The following ATP11B variants were observed in gnomAD, a reference collection of about 807,000 sequenced individuals.
ATP11B encodes phospholipid-transporting ATPase IF.
ATP11B carries 81 observed loss-of-function variants against 157.8 expected under a neutral mutation model. The ratio of observed to expected loss-of-function variants is 0.51; its 90% CI spans 0.43 to 0.62. The LOEUF (loss-of-function observed/expected upper bound fraction) is 0.62. Ranked by LOEUF, ATP11B falls within the 20% of genes least tolerant of loss-of-function variation. ATP11B has a pLI of 0.00. For missense variants in ATP11B, 1,165 were observed against 1,402.2 expected (o/e 0.83, Z 2.70); for synonymous variants, 451 against 469.4 (o/e 0.96, Z 0.51).
At chr3:182,851,398 A>G (rs1212181753) in intron 10 of ATP11B, among the ~76,000 whole-genome samples, 2 of 152,136 alleles carry the variant, frequency 1.3e-5, no homozygotes, top group African/African-American at 2.4e-5. Flanking sequence ...CACATCTTCA[A>G]TTAATTTCCT....
intron 10 of ATP11B, among the ~76,000 whole-genome samples, chr3:182,850,892 A>G (rs1166746735): frequency 6.6e-6 from 1 of 152,252 alleles, no homozygotes; most frequent in Non-Finnish European, 1.5e-5. Context: ...AAAAAAAGGT[A>G]TACATACCCA....
In ATP11B at chr3:182,918,258, A is replaced by G. The variant is rs1289893827; in HGVS notation, c.*154A>G. 7 of 1,108,862 alleles carry G rather than the reference A, an allele frequency of 6.3e-6. No individual in the cohort carries two copies. The highest frequency in any genetic ancestry group is 6.2e-6 in the Non-Finnish European group (5 of 803,752). 68.7% of individuals were successfully genotyped at this position (1,108,862 alleles called of 1,614,324 possible). A position where few individuals can be genotyped will look rare whatever the true frequency, so the allele number is the denominator to read the frequency against. ...GAGTTATAATGGCAAACAAACAGAA[A>G]GCATTAGTACAAGCCCCTCCCAACA... On this transcript the variant is annotated 3_prime_UTR_variant, in exon 30 of 30. Transcript: ENST00000323116.
At chr3:182,897,243 A>G in intron 26 of ATP11B, 60 bp from the exon 27 acceptor site, 1 of 931,114 alleles carries the variant, frequency 1.1e-6, no homozygotes, top group Non-Finnish European at 1.6e-6. Flanking sequence ...GTTTCATCTG[A>G]AAGGTTAAGG....
At chr3:182,805,111 A>G (rs1365166000) in intron 1 of ATP11B, among the ~76,000 whole-genome samples, 1 of 152,130 alleles carries the variant, frequency 6.6e-6, no homozygotes, top group Non-Finnish European at 1.5e-5. Context: ...TGTTATGTAG[A>G]TGTGTATTTT....
intron 7 of ATP11B, among the ~76,000 whole-genome samples, chr3:182,838,147 T>C (rs1718699768): frequency 6.6e-6 from 1 of 152,092 alleles, no homozygotes; most frequent in South Asian, 2.1e-4. Flanking sequence ...TGTGATGTTA[T>C]AAAAATTGTA....
chr3:182,865,444 C>A lies in ATP11B; in HGVS notation c.1201-12C>A. 6.2e-7 allele frequency: 1 copy of A among 1,607,326 alleles called. No individual in the cohort carries two copies. The highest frequency in any genetic ancestry group is 1.1e-5 in the South Asian group (1 of 89,942). On this transcript the variant is annotated splice_polypyrimidine_tract_variant and intron_variant, in intron 12 of 29. Transcript: ENST00000323116. ...ACAAAGGTTTATTTTCTTTTGTTTT[C>A]TATCTCTATAGGTAGAGTACGTGTT...
chr3:182,837,212 A>AT (rs1718623204), intron 7 of ATP11B, 38 bp downstream of exon 7: 7 of 1,375,348 alleles, frequency 5.1e-6, no homozygotes, highest in Non-Finnish European at 7.1e-6. Context: ...TTTAAGTCCT[A>AT]TTTACAGACC....
intron 12 of ATP11B, 140 bp from the exon 13 acceptor site, chr3:182,865,316 A>G (rs556284701): frequency 1.9e-5 from 14 of 722,252 alleles, no homozygotes; most frequent in Admixed American, 3.0e-5. Context: ...TTGTGCTTGG[A>G]TTATAAGAAT....
chr3:182,906,073 G>A (rs1724329753), intron 28 of ATP11B, among the ~76,000 whole-genome samples: 1 of 151,832 alleles, frequency 6.6e-6, no homozygotes, highest in African/African-American at 2.4e-5. Context: ...TTCCTTTTTT[G>A]TGGTCTTTAC....
chr3:182,896,316 T>A (rs899119679), intron 25 of ATP11B, among the ~76,000 whole-genome samples: 6 of 152,222 alleles, frequency 3.9e-5, no homozygotes, highest in African/African-American at 1.4e-4. Context: ...TGCTCTGCTG[T>A]AACGTCTGGT....
intron 10 of ATP11B, among the ~76,000 whole-genome samples, chr3:182,850,980 T>C (rs1719933690): frequency 6.6e-6 from 1 of 152,190 alleles, no homozygotes; most frequent in Non-Finnish European, 1.5e-5. Flanking sequence ...TGAAGATCAT[T>C]ATGTTAAGTG....
chr3:182,793,745 G>A lies in ATP11B; in HGVS notation c.-15G>A, dbSNP rs1715397041. On this transcript the variant is annotated 5_prime_UTR_variant, in exon 1 of 30. Transcript: ENST00000323116. ...CCCCCGCGCCCCGCGGGACCCGGAC[G>A]GCGACGACGGGGGAATGTGGCGCTG... The A allele has an allele frequency of 7.1e-6, 10 of 1,409,976 alleles. No individual in the cohort carries two copies. Among genetic ancestry groups the A allele is most frequent in the Non-Finnish European group, 9.3e-6 (10 of 1,076,372 alleles). The allele number at this position is 1,409,976 out of a possible 1,614,324, so 87.3% of individuals were successfully genotyped here.
intron 1 of ATP11B, 72 bp downstream of exon 1, chr3:182,793,858 A>T (rs1715408235): frequency 1.1e-5 from 12 of 1,062,070 alleles, no homozygotes; most frequent in Admixed American, 4.5e-5. Flanking sequence ...TGGCGGGGAA[A>T]GGCCGGCGGC....
At chr3:182,832,921 G>C (rs1057449879) in intron 4 of ATP11B, among the ~76,000 whole-genome samples, 3 of 152,046 alleles carry the variant, frequency 2.0e-5, no homozygotes, top group African/African-American at 7.2e-5. Context: ...ATCAGAGACG[G>C]TTTTGTGGAG....
chr3:182,871,634 G>A (rs1441459096), intron 17 of ATP11B, among the ~76,000 whole-genome samples: 1 of 152,100 alleles, frequency 6.6e-6, no homozygotes, highest in East Asian at 1.9e-4. Context: ...GTAAAAAATG[G>A]AATTGTAAGT....
Position 182,873,744 on chromosome 3 carries a change from A to G in ATP11B, c.2049-68A>G. The stretch of plus-strand genomic sequence containing the variant: ...GTTTAGAATTATCCTTAAATATACT[A>G]TGTAGTTTAACTTAAAATACAGTCA... On this transcript the variant is annotated intron_variant, in intron 18 of 29. Transcript: ENST00000323116. 4 of 1,248,452 alleles carry G rather than the reference A, an allele frequency of 3.2e-6. No individual in the cohort carries two copies. In the South Asian group the frequency reaches 3.8e-5, roughly 12 times the overall value. The allele number at this position is 1,248,452 out of a possible 1,614,324, so 77.3% of individuals were successfully genotyped here.
chr3:182,912,067 C>A (rs7617221), intron 28 of ATP11B, among the ~76,000 whole-genome samples: 1 of 151,378 alleles, frequency 6.6e-6, no homozygotes, highest in Non-Finnish European at 1.5e-5. Flanking sequence ...AGGCTTCATG[C>A]GGTGTGGGGC....
At chr3:182,874,052 G>T (rs1172263346) in intron 19 of ATP11B, 37 bp downstream of exon 19, 3 of 1,578,428 alleles carry the variant, frequency 1.9e-6, no homozygotes, top group Non-Finnish European at 2.6e-6. Flanking sequence ...CCTTTCAGGG[G>T]TTAGCAAACT....
At chr3:182,894,361 T>C (rs1476389344) in intron 25 of ATP11B, among the ~76,000 whole-genome samples, 11 of 152,194 alleles carry the variant, frequency 7.2e-5, no homozygotes, top group African/African-American at 2.4e-4. Context: ...TAATTTTGTA[T>C]TTTTAGTAGA....
Sources: allele counts gnomAD v4.1 joint callset (sites outside exome capture counted in the v4.1 genomes callset), GRCh38; gene constraint gnomAD v4.1.1; transcripts MANE v1.5; gene names NCBI Gene and HGNC (gene_info 2026-07-23, HGNC 2026-07-21).